The following ATXN1 variants were observed in gnomAD, a reference collection of about 807,000 sequenced individuals.
ATXN1 encodes the protein ataxin-1.
A neutral mutation model predicts 56.4 loss-of-function variants in ATXN1; 8 were observed. That is an observed-to-expected ratio of 0.14 (90% CI 0.08 to 0.26). The LOEUF (loss-of-function observed/expected upper bound fraction) is 0.26, where lower values mean the gene tolerates loss of function less well. Among genes scored for constraint, ATXN1 ranks in the 10% least tolerant of loss-of-function variants. The probability of loss-of-function intolerance (pLI) is 1.00; values close to 1 mark genes in which losing one functional copy is unlikely to be tolerated. For missense variants in ATXN1, 987 were observed against 1,106.5 expected, an observed-to-expected ratio of 0.89 and a Z score of 1.53; for synonymous variants, 514 against 494.6, an observed-to-expected ratio of 1.04 and a Z score of -0.52.
intron 6 of ATXN1, among the ~76,000 whole-genome samples, chr6:16,437,567 T>C (rs762756000): frequency 6.6e-6 from 1 of 152,234 alleles, no homozygotes; most frequent in South Asian, 2.1e-4. Context: ...ATAACCTTAC[T>C]GTTCTGCCAA....
At chr6:16,463,169 A>G (rs927669421) in intron 6 of ATXN1, among the ~76,000 whole-genome samples, 1 of 152,200 alleles carries the variant, frequency 6.6e-6, no homozygotes, top group African/African-American at 2.4e-5. Flanking sequence ...GGAGTATGGG[A>G]AAATGAAAAC....
intron 6 of ATXN1, among the ~76,000 whole-genome samples, chr6:16,367,069 G>A (rs747552815): frequency 6.6e-6 from 1 of 152,088 alleles, no homozygotes; most frequent in Non-Finnish European, 1.5e-5. Flanking sequence ...CCTGTCCTCC[G>A]ACCTGTCTTA....
At chr6:16,411,897 T>G (rs183373894) in intron 6 of ATXN1, among the ~76,000 whole-genome samples, 3 of 152,376 alleles carry the variant, frequency 2.0e-5, no homozygotes, top group Non-Finnish European at 4.4e-5. Flanking sequence ...TATTAATATG[T>G]ATGTCTTATC....
chr6:16,366,567 G>T (rs1255038700), intron 6 of ATXN1, among the ~76,000 whole-genome samples: 1 of 152,058 alleles, frequency 6.6e-6, no homozygotes, highest in East Asian at 1.9e-4. Context: ...GATCACTTGA[G>T]GTCAGGTGTT....
chr6:16,346,893 G>T (rs1430069382), intron 6 of ATXN1, among the ~76,000 whole-genome samples: 1 of 152,248 alleles, frequency 6.6e-6, no homozygotes, highest in Admixed American at 6.5e-5. Flanking sequence ...GAGAGGCGTG[G>T]GTGGGAACCC....
chr6:16,365,424 C>G (rs1048416505), intron 6 of ATXN1, among the ~76,000 whole-genome samples: 1 of 152,170 alleles, frequency 6.6e-6, no homozygotes, highest in East Asian at 1.9e-4. Flanking sequence ...GTGATCCACC[C>G]ACATTGGCCT....
chr6:16,694,270 A>T (rs2146753), intron 2 of ATXN1, among the ~76,000 whole-genome samples: 3 of 141,312 alleles, frequency 2.1e-5, no homozygotes, highest in South Asian at 2.2e-4. Context: ...TTTTTTTTTA[A>T]GAGACGGAGT....
intron 5 of ATXN1, among the ~76,000 whole-genome samples, chr6:16,486,816 T>C (rs1214251924): frequency 6.6e-6 from 1 of 152,126 alleles, no homozygotes; most frequent in Non-Finnish European, 1.5e-5. Flanking sequence ...CTCAGATTGC[T>C]GGTTTGCAGC....
intron 6 of ATXN1, among the ~76,000 whole-genome samples, chr6:16,378,142 T>C (rs1023456910): frequency 6.6e-6 from 1 of 152,172 alleles, no homozygotes; most frequent in Non-Finnish European, 1.5e-5. Flanking sequence ...CAGGTGGCCT[T>C]ATTCTTCAAA....
chr6:16,728,093 G>C lies in ATXN1; in HGVS notation c.-615+25140C>G, dbSNP rs150586513. On this transcript the variant is annotated intron_variant, in intron 2 of 7. Coordinates refer to ENST00000436367, the MANE Select transcript of ATXN1 (RefSeq NM_001128164.2). Reference sequence around the variant, plus strand: ...TGGAGCATGCTGAGTTTATCACAGAGAAAGGGCTGGAGAAGAGAGCAGGTC... The same window carrying C: ...TGGAGCATGCTGAGTTTATCACAGACAAAGGGCTGGAGAAGAGAGCAGGTC... Among the ~76,000 whole-genome samples, 113 of 152,338 alleles carry C rather than the reference G, an allele frequency of 7.4e-4. No individual in the cohort carries two copies. In the East Asian group the frequency reaches 0.02, roughly 27 times the overall value.
intron 4 of ATXN1, among the ~76,000 whole-genome samples, chr6:16,544,709 C>T (rs989399688): frequency 2.6e-5 from 4 of 152,122 alleles, no homozygotes; most frequent in Non-Finnish European, 5.9e-5. Context: ...TGAGCAGCAG[C>T]GACCATGCAG....
At chr6:16,361,603 G>A (rs987567733) in intron 6 of ATXN1, among the ~76,000 whole-genome samples, 3 of 152,098 alleles carry the variant, frequency 2.0e-5, no homozygotes, top group African/African-American at 7.2e-5. Context: ...GTAGCATTTC[G>A]AGTATAAACA....
At chr6:16,358,843 G>T (rs1284608322) in intron 6 of ATXN1, among the ~76,000 whole-genome samples, 2 of 152,228 alleles carry the variant, frequency 1.3e-5, no homozygotes, top group African/African-American at 4.8e-5. Context: ...TGCCTTCCCA[G>T]GTGCAGCTGC....
At chr6:16,458,659 G>C (rs764897982) in intron 6 of ATXN1, among the ~76,000 whole-genome samples, 19 of 152,196 alleles carry the variant, frequency 1.2e-4, no homozygotes, top group Non-Finnish European at 2.5e-4. Flanking sequence ...GTGGTTCAGA[G>C]AGGACAGAAA....
At chr6:16,496,095 T>C (rs555243372) in intron 5 of ATXN1, among the ~76,000 whole-genome samples, 2 of 152,336 alleles carry the variant, frequency 1.3e-5, no homozygotes, top group Admixed American at 6.5e-5. Flanking sequence ...AACAACTCCA[T>C]ACTTTAAACT....
intron 6 of ATXN1, among the ~76,000 whole-genome samples, chr6:16,333,596 G>T (rs2113425037): frequency 6.6e-6 from 1 of 152,322 alleles, no homozygotes; most frequent in East Asian, 1.9e-4. Flanking sequence ...CAGTTTGAAT[G>T]AACCCATGGC....
chr6:16,673,606 C>T (rs916997437), intron 2 of ATXN1, among the ~76,000 whole-genome samples: 1 of 152,130 alleles, frequency 6.6e-6, no homozygotes, highest in African/African-American at 2.4e-5. Context: ...CTGTTTGGTG[C>T]ATTGTAGGAT....
chr6:16,759,092 G>A (rs934645511), intron 1 of ATXN1, among the ~76,000 whole-genome samples: 1 of 152,186 alleles, frequency 6.6e-6, no homozygotes, highest in African/African-American at 2.4e-5. Context: ...AAACAGAAAT[G>A]TCTCAGCTAA....
At chr6:16,597,423 A>C (rs1762834920) in intron 3 of ATXN1, among the ~76,000 whole-genome samples, 2 of 150,038 alleles carry the variant, frequency 1.3e-5, no homozygotes, top group Non-Finnish European at 2.9e-5. Flanking sequence ...CTGGTCCTCA[A>C]CAAGCAGCAT....
Sources: gnomAD v4.1 joint callset for allele counts (sites outside exome capture counted in the v4.1 genomes callset) on GRCh38, gnomAD v4.1.1 for gene constraint, MANE v1.5 for transcripts, NCBI Gene and HGNC (gene_info 2026-07-23, HGNC 2026-07-21) for gene names.